XKR6: variants seen among roughly 807,000 people sequenced by gnomAD.
The protein encoded by XKR6 is XK related 6.
In XKR6, 22 loss-of-function variants were observed where a neutral mutation model predicts 56.7. That is an observed-to-expected ratio of 0.39 (90% CI 0.28 to 0.55). The LOEUF (loss-of-function observed/expected upper bound fraction) is 0.55. XKR6 is among the 20% of genes least tolerant of loss of function. The pLI is 0.66. For synonymous variants in XKR6, 524 were observed against 387.8 expected (o/e 1.35, Z -4.13); for missense variants, 852 against 889.0 (o/e 0.96, Z 0.53).
intron 1 of XKR6, among the ~76,000 whole-genome samples, chr8:11,054,519 T>C (rs1799632487): frequency 6.6e-6 from 1 of 152,190 alleles, no homozygotes; most frequent in Non-Finnish European, 1.5e-5. Context: ...AGTCCTGCAG[T>C]AGCAGTGAAG....
chr8:11,187,177 C>T (rs1038242497), intron 1 of XKR6, among the ~76,000 whole-genome samples: 9 of 152,122 alleles, frequency 5.9e-5, no homozygotes, highest in African/African-American at 2.2e-4. Flanking sequence ...TGTTCAAATA[C>T]CAATGCTGCA....
At position 11,190,526 on chromosome 8, in the gene XKR6, C is replaced by G. The variant is rs914652995; in HGVS notation, c.764+10050G>C. Among the ~76,000 whole-genome samples the G allele has an allele frequency of 7.2e-5, 11 of 152,184 alleles. No homozygotes were observed. The South Asian group carries it at 2.3e-3, about 32-fold the overall frequency. ...GAAAACTGTGTCCTAAGACACAGAC[C>G]CAGAGGTATTAATATTACTCAGCTG... is the stretch of plus-strand genomic sequence containing the variant. On this transcript the variant is annotated intron_variant, in intron 1 of 2. Transcript: ENST00000416569.
intron 1 of XKR6, among the ~76,000 whole-genome samples, chr8:10,989,850 T>G (rs903516822): frequency 3.9e-5 from 6 of 152,228 alleles, no homozygotes; most frequent in Non-Finnish European, 8.8e-5. Flanking sequence ...CTCACAGATG[T>G]CATGTAAAAA....
intron 1 of XKR6, among the ~76,000 whole-genome samples, chr8:11,058,298 A>G (rs933136572): frequency 8.5e-5 from 13 of 152,222 alleles, no homozygotes; most frequent in Non-Finnish European, 1.8e-4. Flanking sequence ...CAGAAATGCC[A>G]TTTGACCCAG....
At chr8:10,946,611 T>C (rs1321741908) in intron 1 of XKR6, among the ~76,000 whole-genome samples, 3 of 152,032 alleles carry the variant, frequency 2.0e-5, no homozygotes, top group South Asian at 2.1e-4. Flanking sequence ...TGCCCCTTTA[T>C]GACATTCCTG....
chr8:10,917,408 C>T (rs1049320538), intron 2 of XKR6, among the ~76,000 whole-genome samples: 2 of 152,164 alleles, frequency 1.3e-5, no homozygotes, highest in Non-Finnish European at 2.9e-5. Context: ...TGGGACCGTG[C>T]GACTTTATGC....
chr8:11,180,363 T>C (rs1585025684), intron 1 of XKR6, among the ~76,000 whole-genome samples: 1 of 152,274 alleles, frequency 6.6e-6, no homozygotes, highest in Non-Finnish European at 1.5e-5. Flanking sequence ...ATGTTTGGAC[T>C]AAAAAATTCT....
intron 1 of XKR6, among the ~76,000 whole-genome samples, chr8:11,037,919 C>T (rs1009453220): frequency 6.6e-6 from 1 of 150,460 alleles, no homozygotes. Context: ...CCCAGCTACT[C>T]GGGAGGCTGA....
At chr8:11,018,766 A>G (rs1460338077) in intron 1 of XKR6, among the ~76,000 whole-genome samples, 2 of 152,122 alleles carry the variant, frequency 1.3e-5, no homozygotes, top group Admixed American at 6.5e-5. Context: ...CAAACCATCA[A>G]TAGCTCCCCA....
intron 1 of XKR6, among the ~76,000 whole-genome samples, chr8:11,157,700 G>A (rs1421407633): frequency 6.6e-6 from 1 of 152,060 alleles, no homozygotes; most frequent in Non-Finnish European, 1.5e-5. Flanking sequence ...GGGTTTTTCT[G>A]GTAGAGATGA....
chr8:11,136,496 C>G (rs964511886), intron 1 of XKR6, among the ~76,000 whole-genome samples: 1 of 137,794 alleles, frequency 7.3e-6, no homozygotes, highest in South Asian at 2.3e-4. Flanking sequence ...AAAAGCGAAA[C>G]TCTGTCTCAA....
chr8:11,026,944 G>A (rs1475666394), intron 1 of XKR6, among the ~76,000 whole-genome samples: 1 of 151,852 alleles, frequency 6.6e-6, no homozygotes, highest in African/African-American at 2.4e-5. Context: ...CACCTAGATG[G>A]TCTAGCCTAC....
At chr8:11,038,976 AG>A (rs1470027037) in intron 1 of XKR6, among the ~76,000 whole-genome samples, 1 of 152,136 alleles carries the variant, frequency 6.6e-6, no homozygotes, top group Non-Finnish European at 1.5e-5. Flanking sequence ...CGCCCAACTC[AG>A]TTGTCGACGC....
intron 1 of XKR6, among the ~76,000 whole-genome samples, chr8:11,057,938 G>C (rs1799727509): frequency 6.6e-6 from 1 of 152,204 alleles, no homozygotes; most frequent in Non-Finnish European, 1.5e-5. Flanking sequence ...GTTAAATGAA[G>C]GAAGAGAAAG....
At chr8:11,051,117 C>A (rs891114659) in intron 1 of XKR6, among the ~76,000 whole-genome samples, 8 of 151,710 alleles carry the variant, frequency 5.3e-5, no homozygotes, top group Non-Finnish European at 1.2e-4. Flanking sequence ...TCTCAGCAGC[C>A]CTCTCCCTTG....
chr8:10,944,139 G>C (rs1399240434), intron 1 of XKR6, among the ~76,000 whole-genome samples: 1 of 152,148 alleles, frequency 6.6e-6, no homozygotes, highest in African/African-American at 2.4e-5. Flanking sequence ...CATCCAATCA[G>C]AGTGCACTAA....
At chr8:11,032,933 A>G (rs79429395) in intron 1 of XKR6, among the ~76,000 whole-genome samples, 1 of 152,196 alleles carries the variant, frequency 6.6e-6, no homozygotes, top group Non-Finnish European at 1.5e-5. Context: ...AGATAAAAAG[A>G]TGACAACGAT....
In XKR6 at chr8:11,060,532, G is replaced by A. The variant is rs557294512; in HGVS notation, c.765-135702C>T. ...CTGATCCTCGGATGCCCAGGGACTC[G>A]TTTCTACATGATTATTGGTCTGTTT... is the stretch of plus-strand genomic sequence containing the variant. On this transcript the variant is annotated intron_variant, in intron 1 of 2. Coordinates refer to ENST00000416569, the MANE Select transcript of XKR6 (RefSeq NM_173683.4). Among the ~76,000 whole-genome samples the A allele has an allele frequency of 3.9e-5, 6 of 152,310 alleles. No homozygotes were observed. The East Asian group carries it at 7.7e-4, about 20-fold the overall frequency.
chr8:10,960,386 A>C (rs1035793075), intron 1 of XKR6, among the ~76,000 whole-genome samples: 56 of 152,372 alleles, frequency 3.7e-4, no homozygotes, highest in African/African-American at 1.3e-3. Context: ...TTACCCTGGC[A>C]GATGACTGCC....
Sources: gnomAD v4.1 joint callset for allele counts (sites outside exome capture counted in the v4.1 genomes callset) on GRCh38, gnomAD v4.1.1 for gene constraint, MANE v1.5 for transcripts, NCBI Gene and HGNC (gene_info 2026-07-23, HGNC 2026-07-21) for gene names.